Variants in REPS2 observed in about 807,000 individuals in gnomAD.
The protein encoded by REPS2 is ralBP1-associated Eps domain-containing protein 2.
Under a neutral mutation model 53.6 loss-of-function variants are expected in REPS2, and 23 were observed. The ratio of observed to expected loss-of-function variants is 0.43; its 90% confidence interval spans 0.31 to 0.61. The LOEUF is 0.61. REPS2 is among the 20% of genes least tolerant of loss of function. The probability of loss-of-function intolerance (pLI) is 0.11; values close to 1 mark genes in which losing one functional copy is unlikely to be tolerated. For synonymous variants in REPS2, 238 were observed against 218.6 expected (o/e 1.09, Z -0.78); for missense variants, 446 against 534.9 (o/e 0.83, Z 1.64).
chrX:17,055,019 C>T, intron 8 of REPS2, 69 bp downstream of exon 8: 2 of 1,050,338 alleles, frequency 1.9e-6, no homozygotes, highest in Non-Finnish European at 1.3e-6. Context: ...ACTTTTGTTT[C>T]CTGACTTTTT....
chrX:16,989,757 G>A (rs1475222941), intron 1 of REPS2, among the ~76,000 whole-genome samples: 2 of 112,061 alleles, frequency 1.8e-5, no homozygotes, highest in Non-Finnish European at 3.8e-5. Context: ...CTATAAGAAT[G>A]GCTAAAATTA....
intron 1 of REPS2, among the ~76,000 whole-genome samples, chrX:16,951,944 A>G (rs751062274): frequency 5.4e-5 from 6 of 111,456 alleles, no homozygotes; most frequent in Non-Finnish European, 1.1e-4. Flanking sequence ...TGGGAACATT[A>G]TTTTTTCAAA....
intron 14 of REPS2, among the ~76,000 whole-genome samples, chrX:17,118,260 T>C (rs1320000605): frequency 9.1e-6 from 1 of 109,842 alleles, no homozygotes; most frequent in Non-Finnish European, 1.9e-5. Context: ...CGCCCGGCCG[T>C]TTCCTGACTT....
In REPS2 at chrX:17,035,831, GTAT is replaced by G. The variant is rs756156008; in HGVS notation, c.771+6212_771+6214del. On this transcript the variant is annotated intron_variant, in intron 5 of 17. Transcript: ENST00000357277. The stretch of plus-strand genomic sequence containing the variant: ...CTTTTTTATATACAAGTGAAAATAG[GTAT>G]TATATATAATTACATGTAATATATG... Among the ~76,000 whole-genome samples, 196 of 110,907 alleles carry G rather than the reference GTAT, an allele frequency of 1.8e-3. 1 individual carries two copies. Among genetic ancestry groups the G allele is most frequent in the African/African-American group, 6.1e-3 (186 of 30,489 alleles).
intron 1 of REPS2, among the ~76,000 whole-genome samples, chrX:17,002,326 G>T (rs2061317799): frequency 9.0e-6 from 1 of 111,183 alleles, no homozygotes; most frequent in Admixed American, 9.5e-5. Flanking sequence ...TGATAGGGAG[G>T]TGCCCAACCA....
the REPS2 span, among the ~76,000 whole-genome samples, chrX:17,167,557 G>A: frequency 9.3e-6 from 1 of 108,101 alleles, no homozygotes; most frequent in Non-Finnish European, 1.9e-5. Context: ...TGGTATGTAT[G>A]TGTGGTTTAT....
intron 1 of REPS2, among the ~76,000 whole-genome samples, chrX:16,968,702 C>T (rs1171881985): frequency 1.0e-5 from 1 of 100,016 alleles, no homozygotes. Flanking sequence ...GGGGCTGACC[C>T]CCCCCACCTC....
rs1360194080 is a variant in REPS2, at chrX:17,022,128, C to G, written c.403C>G (p.Pro135Ala). 8.3e-7 allele frequency: 1 copy of G among 1,203,415 alleles called. No individual in the cohort carries two copies. The highest frequency in any genetic ancestry group is 1.1e-6 in the Non-Finnish European group (1 of 890,844). ...TCTGATTTCTGGTCCCAAAGAATTG[C>G]CTCTGCCTCGCTTTATGATGTCAAA... ...VRIESIKCEL[P>A]LPRFMMSKND... Residue 135 changes from proline (P) to alanine (A), a missense_variant, in exon 3 of 18, where the codon CCT (proline) becomes GCT (alanine). Coordinates refer to ENST00000357277, the MANE Select transcript of REPS2 (RefSeq NM_004726.3).
At chrX:16,983,931 T>A (rs1371443822) in intron 1 of REPS2, among the ~76,000 whole-genome samples, 1 of 112,879 alleles carries the variant, frequency 8.9e-6, no homozygotes, top group Non-Finnish European at 1.9e-5. Context: ...CCCTCTTCTT[T>A]CCACACTGCT....
At chrX:17,011,028 A>G (rs2147810961) in intron 2 of REPS2, among the ~76,000 whole-genome samples, 1 of 110,817 alleles carries the variant, frequency 9.0e-6, no homozygotes, top group Non-Finnish European at 1.9e-5. Flanking sequence ...TAAAAGCTGC[A>G]TCAAGCATTT....
At chrX:17,168,006 G>A in the REPS2 span, among the ~76,000 whole-genome samples, 2,821 of 111,521 alleles carry the variant, frequency 0.025, 99 homozygotes, top group African/African-American at 0.087. Context: ...GACATTTTTG[G>A]CACCTCACAA....
intron 14 of REPS2, among the ~76,000 whole-genome samples, chrX:17,111,012 TCAA>T (rs1002982930): frequency 2.7e-5 from 3 of 111,971 alleles, no homozygotes; most frequent in South Asian, 3.7e-4. Context: ...AGACTCTGTC[TCAA>T]CAACAACAAC....
rs148714103 is a variant in REPS2 at position 16,960,329 on chromosome X, C to T, written c.273+13195C>T. Among the ~76,000 whole-genome samples, 551 of 109,723 alleles carry T rather than the reference C, an allele frequency of 5.0e-3. 5 individuals carry two copies. The highest frequency in any genetic ancestry group is 0.017 in the African/African-American group (503 of 30,079). ...CTGCAGTGAGCACTGATTGTGCCACCGCACTCCAGTTGGGCAGTACAGCAA... is the reference window on the plus strand; with the variant it reads ...CTGCAGTGAGCACTGATTGTGCCACTGCACTCCAGTTGGGCAGTACAGCAA... On this transcript the variant is annotated intron_variant, in intron 1 of 17. Transcript: ENST00000357277.
intron 13 of REPS2, among the ~76,000 whole-genome samples, chrX:17,088,261 A>G (rs777190397): frequency 9.8e-5 from 11 of 111,801 alleles, no homozygotes; most frequent in Non-Finnish European, 2.1e-4. Context: ...GAGTTTTAAT[A>G]GTAAAATGCT....
At chrX:17,121,534 A>G (rs1343991480) in intron 14 of REPS2, among the ~76,000 whole-genome samples, 1 of 111,824 alleles carries the variant, frequency 8.9e-6, no homozygotes, top group African/African-American at 3.2e-5. Flanking sequence ...TTCTTTATGT[A>G]TCATGCCAGT....
rs992438275 is a variant in REPS2 at position 17,149,743 on chromosome X, A to C, written c.*2262A>C. The C allele has an allele frequency of 8.9e-6, 1 of 112,151 alleles. No homozygotes were observed. The highest frequency in any genetic ancestry group is 1.9e-5 in the Non-Finnish European group (1 of 53,246). 9.2% of individuals were successfully genotyped at this position (112,151 alleles called of 1,213,427 possible). On this transcript the variant is annotated 3_prime_UTR_variant, in exon 18 of 18. Coordinates refer to ENST00000357277, the MANE Select transcript of REPS2 (RefSeq NM_004726.3). ...TCAGTTGGGATAGCAGTTCATTTCC[A>C]TTAGGCAGACGTATAAACTAAGGAA... is the stretch of plus-strand genomic sequence containing the variant.
intron 8 of REPS2, among the ~76,000 whole-genome samples, chrX:17,060,190 C>G (rs1234413875): frequency 1.8e-5 from 2 of 110,305 alleles, no homozygotes; most frequent in Admixed American, 1.9e-4. Flanking sequence ...TGGTCCCCAG[C>G]TACTCGGGTG....
chrX:17,051,923 C>T (rs1051254527), intron 6 of REPS2, among the ~76,000 whole-genome samples: 5 of 112,123 alleles, frequency 4.5e-5, no homozygotes, highest in Admixed American at 9.5e-5. Context: ...TCTTAAATCT[C>T]ACCAAAAGCT....
intron 1 of REPS2, among the ~76,000 whole-genome samples, chrX:16,991,038 C>CT (rs1416933136): frequency 9.0e-6 from 1 of 110,817 alleles, no homozygotes; most frequent in African/African-American, 3.3e-5. Context: ...GTATGATTGA[C>CT]TTTTTCCCTC....
Sources: allele counts gnomAD v4.1 joint callset (sites outside exome capture counted in the v4.1 genomes callset), GRCh38; gene constraint gnomAD v4.1.1; transcripts MANE v1.5; gene names NCBI Gene and HGNC (gene_info 2026-07-23, HGNC 2026-07-21).